Variants in GXYLT2 observed in about 807,000 individuals in gnomAD.
The protein encoded by GXYLT2 is glycosyltransferase 8 domain containing 4.
In GXYLT2, 53 loss-of-function variants were observed where a neutral mutation model predicts 45.8. The observed-to-expected ratio is 1.16, with a 90% CI of 0.93 to 1.46. The LOEUF is 1.46. GXYLT2 is among the 40% of genes most tolerant of loss of function. The probability of loss-of-function intolerance (pLI) is 0.00; values close to 1 mark genes in which losing one functional copy is unlikely to be tolerated. For missense variants in GXYLT2, 551 were observed against 544.4 expected (o/e 1.01, Z -0.12); for synonymous variants, 219 against 214.2 (o/e 1.02, Z -0.19).
chr3:72,916,522 A>T (rs1709746402), intron 2 of GXYLT2, among the ~76,000 whole-genome samples: 1 of 151,692 alleles, frequency 6.6e-6, no homozygotes, highest in Non-Finnish European at 1.5e-5. Flanking sequence ...ATCCTGACTG[A>T]TGCAACTGAG....
At chr3:72,950,220 G>A (rs1238770095) in intron 3 of GXYLT2, among the ~76,000 whole-genome samples, 1 of 152,104 alleles carries the variant, frequency 6.6e-6, no homozygotes, top group Non-Finnish European at 1.5e-5. Context: ...CAGGACTTTG[G>A]GAGGCTGAGG....
intron 3 of GXYLT2, among the ~76,000 whole-genome samples, chr3:72,942,774 C>G (rs192118972): frequency 1.3e-4 from 19 of 150,596 alleles, no homozygotes; most frequent in South Asian, 4.2e-4. Flanking sequence ...AAAGGAAAGG[C>G]TGAGAAATTG....
intron 3 of GXYLT2, among the ~76,000 whole-genome samples, chr3:72,940,514 AAG>A (rs766484923): frequency 7.9e-5 from 12 of 152,080 alleles, no homozygotes; most frequent in Non-Finnish European, 1.6e-4. Flanking sequence ...GTTAATTCTG[AAG>A]AGAGAGCGGG....
intron 3 of GXYLT2, among the ~76,000 whole-genome samples, chr3:72,938,123 G>A (rs1710225058): frequency 6.6e-6 from 1 of 152,144 alleles, no homozygotes; most frequent in Admixed American, 6.6e-5. Context: ...AGAAAAAAAT[G>A]TAAAAGGTCT....
intron 5 of GXYLT2, among the ~76,000 whole-genome samples, chr3:72,965,492 C>T (rs148136565): frequency 0.012 from 1,855 of 152,242 alleles, 18 homozygotes; most frequent in Admixed American, 0.019. Context: ...CACACATTTG[C>T]AGAGAGCTTT....
intron 6 of GXYLT2, among the ~76,000 whole-genome samples, chr3:72,974,137 A>G (rs1575822193): frequency 6.6e-6 from 1 of 152,214 alleles, no homozygotes; most frequent in South Asian, 2.1e-4. Context: ...ATCTACTACC[A>G]GACTTTTCCC....
chr3:72,924,505 A>G (rs1709883460), intron 3 of GXYLT2, among the ~76,000 whole-genome samples: 1 of 152,094 alleles, frequency 6.6e-6, no homozygotes, highest in South Asian at 2.1e-4. Context: ...CACTCAGCCC[A>G]GTCTTTTTCT....
chr3:72,922,094 T>C (rs1033129401), intron 2 of GXYLT2, 110 bp from the exon 3 acceptor site: 3 of 928,722 alleles, frequency 3.2e-6, no homozygotes, highest in African/African-American at 3.4e-5. Flanking sequence ...AGTTAGACTT[T>C]CTGTGTAAGT....
At chr3:72,958,272 CAAAAAAA>C (rs59128233) in intron 5 of GXYLT2, among the ~76,000 whole-genome samples, 1 of 127,362 alleles carries the variant, frequency 7.9e-6, no homozygotes, top group African/African-American at 2.9e-5. Flanking sequence ...GACTCTGTCT[CAAAAAAA>C]AAAAAAAAAA....
In GXYLT2 at chr3:72,934,337, C is replaced by CA. The variant is rs201749695; in HGVS notation, c.600+12003dup. ...CTGGGCTCAAGCAGTCTGCCCGCCT[C>CA]AGTCTCCCAAAGTGCTGGGATTATA... On this transcript the variant is annotated intron_variant, in intron 3 of 6. Coordinates refer to ENST00000389617, the MANE Select transcript of GXYLT2 (RefSeq NM_001080393.2). 7.9e-3 allele frequency among the ~76,000 whole-genome samples: 1,202 copies of CA among 152,216 alleles called. 21 individuals carry two copies. Among genetic ancestry groups the CA allele is most frequent in the African/African-American group, 0.027 (1,124 of 41,542 alleles).
intron 3 of GXYLT2, chr3:72,929,329 C>A: frequency 1.8e-6 from 2 of 1,089,072 alleles, no homozygotes; most frequent in Non-Finnish European, 2.8e-6. Context: ...ACTGGGAGAG[C>A]GGGCTGAATG....
chr3:72,922,000 C>T (rs188843075), intron 2 of GXYLT2, among the ~76,000 whole-genome samples: 10 of 152,296 alleles, frequency 6.6e-5, no homozygotes, highest in East Asian at 5.8e-4. Context: ...CTGTTGCCAA[C>T]GGTGAATGTT....
intron 3 of GXYLT2, among the ~76,000 whole-genome samples, chr3:72,936,526 G>C (rs1342723434): frequency 1.3e-5 from 2 of 151,800 alleles, no homozygotes; most frequent in Non-Finnish European, 2.9e-5. Flanking sequence ...TGTAGTCCCA[G>C]CTACTCGGGA....
intron 1 of GXYLT2, among the ~76,000 whole-genome samples, chr3:72,898,687 G>T (rs1007078374): frequency 3.9e-5 from 6 of 152,196 alleles, no homozygotes; most frequent in African/African-American, 1.2e-4. Context: ...CATGCCAGGA[G>T]CCTTGCGTAG....
At chr3:72,921,227 C>T (rs575686314) in intron 2 of GXYLT2, among the ~76,000 whole-genome samples, 1 of 151,708 alleles carries the variant, frequency 6.6e-6, no homozygotes, top group African/African-American at 2.4e-5. Context: ...TTTTCCAAAA[C>T]CCAACTATAT....
At chr3:72,888,823 A>G (rs1709120966) in intron 1 of GXYLT2, among the ~76,000 whole-genome samples, 1 of 152,184 alleles carries the variant, frequency 6.6e-6, no homozygotes, top group Non-Finnish European at 1.5e-5. Flanking sequence ...TAATTTGTCA[A>G]AAGCCATCAC....
Position 72,929,376 on chromosome 3 carries a change from A to G in GXYLT2, c.600+7041A>G, listed in dbSNP as rs1433845600. On this transcript the variant is annotated intron_variant, in intron 3 of 6. Coordinates refer to ENST00000389617, the MANE Select transcript of GXYLT2 (RefSeq NM_001080393.2). ...GCATTACATTTGGGGAAAAAAAAATATGAGTCAGTCACTACTGGAACTGCA... is the reference window on the plus strand; with the variant it reads ...GCATTACATTTGGGGAAAAAAAAATGTGAGTCAGTCACTACTGGAACTGCA... 5 of 1,046,538 alleles carry G rather than the reference A, an allele frequency of 4.8e-6. No homozygotes were observed. The African/African-American group carries it at 7.6e-5, about 16-fold the overall frequency. 64.8% of individuals were successfully genotyped at this position (1,046,538 alleles called of 1,614,324 possible). A position where few individuals can be genotyped will look rare whatever the true frequency, so the allele number is the denominator to read the frequency against.
intron 1 of GXYLT2, among the ~76,000 whole-genome samples, chr3:72,899,817 A>G (rs1264321863): frequency 6.6e-6 from 1 of 152,198 alleles, no homozygotes. Flanking sequence ...GGGGGACATC[A>G]CTAATCTATT....
At chr3:72,971,477 T>C (rs1208340359) in intron 6 of GXYLT2, among the ~76,000 whole-genome samples, 1 of 152,216 alleles carries the variant, frequency 6.6e-6, no homozygotes, top group Non-Finnish European at 1.5e-5. Flanking sequence ...ATCCCAATTT[T>C]GCCGCTTTCT....
Sources: gnomAD v4.1 joint callset for allele counts (sites outside exome capture counted in the v4.1 genomes callset) on GRCh38, gnomAD v4.1.1 for gene constraint, MANE v1.5 for transcripts, NCBI Gene and HGNC (gene_info 2026-07-23, HGNC 2026-07-21) for gene names.